The following KLRG1 variants were observed in gnomAD, a reference collection of about 807,000 sequenced individuals.
KLRG1 encodes killer cell lectin-like receptor subfamily G member 1.
A neutral mutation model predicts 21.8 loss-of-function variants in KLRG1; 16 were observed. The ratio of observed to expected loss-of-function variants is 0.73; its 90% CI spans 0.50 to 1.11. The LOEUF (loss-of-function observed/expected upper bound fraction) is 1.11. KLRG1 is among the 50% of genes most tolerant of loss of function. The pLI is 0.00. For synonymous variants in KLRG1, 69 were observed against 75.9 expected (o/e 0.91, Z 0.47); for missense variants, 173 against 218.3 (o/e 0.79, Z 1.31).
chr12:9,091,149 T>G, the KLRG1 span: 2 of 1,580,504 alleles, frequency 1.3e-6, no homozygotes, highest in Admixed American at 1.7e-5. Context: ...GAATGCAACT[T>G]TTAATTTACT....
At chr12:8,989,041 T>C (rs889692743), upstream of KLRG1, among the ~76,000 whole-genome samples, 5 of 152,258 alleles carry the variant, frequency 3.3e-5, no homozygotes, top group Admixed American at 2.0e-4. Flanking sequence ...GAATTTCTGA[T>C]ACTGTGAAGG....
the KLRG1 span, among the ~76,000 whole-genome samples, chr12:9,147,784 G>T: frequency 1.3e-5 from 2 of 152,158 alleles, no homozygotes; most frequent in Admixed American, 6.5e-5. Context: ...TTCAAGCTAA[G>T]TCTTCTGGAA....
At chr12:9,028,784 G>T in the KLRG1 span, 2 of 602,234 alleles carry the variant, frequency 3.3e-6, no homozygotes, top group Non-Finnish European at 6.3e-6. Flanking sequence ...ATTTTTCACA[G>T]TTAAGTGGGC....
At chr12:9,153,082 A>G in the KLRG1 span, 1 of 1,607,938 alleles carries the variant, frequency 6.2e-7, no homozygotes, top group Non-Finnish European at 8.5e-7. Context: ...TTCAATTGGC[A>G]AGTTTAAAGT....
chr12:9,040,232 T>C, the KLRG1 span, among the ~76,000 whole-genome samples: 1 of 152,244 alleles, frequency 6.6e-6, no homozygotes, highest in Non-Finnish European at 1.5e-5. Flanking sequence ...CACACAGTGC[T>C]AAGTTCCTAG....
In KLRG1 at chr12:9,005,272, C is replaced by T. The variant is rs148336625; in HGVS notation, c.358-3703C>T. The stretch of plus-strand genomic sequence containing the variant: ...AATGTAGGTGACTAGTTGATGGGTG[C>T]AGTAATCCACCATGGCACGTGTATA... On this transcript the variant is annotated intron_variant, in intron 3 of 4. Coordinates refer to ENST00000356986, the MANE Select transcript of KLRG1 (RefSeq NM_005810.4). Among the ~76,000 whole-genome samples, 605 of 152,168 alleles carry T rather than the reference C, an allele frequency of 4.0e-3. 2 individuals are homozygous for T. The highest frequency in any genetic ancestry group is 5.3e-3 in the Non-Finnish European group (361 of 68,002).
At chr12:9,073,444 TC>T in the KLRG1 span, among the ~76,000 whole-genome samples, 1 of 152,244 alleles carries the variant, frequency 6.6e-6, no homozygotes, top group African/African-American at 2.4e-5. Context: ...GATTTCCTGT[TC>T]CCAGTGAATG....
chr12:8,956,362 A>G (rs1345001885), intron 1 of KLRG1, among the ~76,000 whole-genome samples: 4 of 152,218 alleles, frequency 2.6e-5, no homozygotes, highest in African/African-American at 9.6e-5. Context: ...CTGTAACACA[A>G]ACGAGCTGAG....
intron 1 of KLRG1, among the ~76,000 whole-genome samples, chr12:8,977,187 C>T (rs1186996371): frequency 6.7e-6 from 1 of 149,726 alleles, no homozygotes; most frequent in Non-Finnish European, 1.5e-5. Context: ...TTCTTGTAGA[C>T]ATTGCATCAC....
At chr12:9,074,286 G>A in the KLRG1 span, among the ~76,000 whole-genome samples, 2 of 152,092 alleles carry the variant, frequency 1.3e-5, no homozygotes, top group South Asian at 2.1e-4. Flanking sequence ...CATTCTGCTG[G>A]TGCTCCACTG....
chr12:9,132,779 A>G, the KLRG1 span, among the ~76,000 whole-genome samples: 21 of 152,352 alleles, frequency 1.4e-4, 1 homozygote, highest in South Asian at 4.4e-3. Context: ...AAATTATCAC[A>G]TCTGAAGCAC....
chr12:9,087,805 C>T, the KLRG1 span, among the ~76,000 whole-genome samples: 1 of 151,964 alleles, frequency 6.6e-6, no homozygotes, highest in Non-Finnish European at 1.5e-5. Flanking sequence ...ACAACAACAA[C>T]CAACCAAACA....
the KLRG1 span, among the ~76,000 whole-genome samples, chr12:9,016,731 A>T: frequency 3.3e-5 from 5 of 152,190 alleles, no homozygotes; most frequent in Middle Eastern, 3.4e-3. Flanking sequence ...CTCATGCCTC[A>T]GCCTCCTGTG....
chr12:9,165,490 G>T, the KLRG1 span: 6 of 1,069,644 alleles, frequency 5.6e-6, no homozygotes, highest in Non-Finnish European at 8.1e-6. Context: ...ATGCGAGTGT[G>T]CATTCGTGTG....
chr12:8,971,969 G>A (rs1047801204), intron 1 of KLRG1, among the ~76,000 whole-genome samples: 3 of 152,166 alleles, frequency 2.0e-5, no homozygotes, highest in African/African-American at 7.2e-5. Context: ...TTTTCACTCT[G>A]TCGATTGTTT....
chr12:8,997,650 A>G (rs1947173791), intron 3 of KLRG1, among the ~76,000 whole-genome samples: 1 of 152,172 alleles, frequency 6.6e-6, no homozygotes, highest in East Asian at 1.9e-4. Context: ...ATGCTGTTAA[A>G]CGGTCATCTT....
At chr12:9,117,558 T>C in the KLRG1 span, among the ~76,000 whole-genome samples, 1 of 152,188 alleles carries the variant, frequency 6.6e-6, no homozygotes, top group Non-Finnish European at 1.5e-5. Context: ...TGCCTTTAGC[T>C]GGGTGAGTGA....
At chr12:8,950,541 T>C (rs1195511207) in intron 1 of KLRG1, among the ~76,000 whole-genome samples, 1 of 152,234 alleles carries the variant, frequency 6.6e-6, no homozygotes, top group Non-Finnish European at 1.5e-5. Context: ...TTTCTTCCTG[T>C]GGACCCTCGC....
chr12:9,115,640 G>A, the KLRG1 span: 21 of 722,760 alleles, frequency 2.9e-5, no homozygotes, highest in Non-Finnish European at 4.4e-5. Context: ...GTAAAATCTG[G>A]AAGGAATCTT....
Sources: gnomAD v4.1 joint callset for allele counts (sites outside exome capture counted in the v4.1 genomes callset) on GRCh38, gnomAD v4.1.1 for gene constraint, MANE v1.5 for transcripts, NCBI Gene and HGNC (gene_info 2026-07-23, HGNC 2026-07-21) for gene names.